The following UMODL1 variants were observed in gnomAD, a reference collection of about 807,000 sequenced individuals.
The protein encoded by UMODL1 is uromodulin-like 1.
In UMODL1, 128 loss-of-function variants were observed where a neutral mutation model predicts 136.3. That is an observed-to-expected ratio of 0.94 (90% CI 0.81 to 1.09). UMODL1 has a LOEUF of 1.09. UMODL1 is among the 50% of genes least tolerant of loss of function. The pLI is 0.00. For synonymous variants in UMODL1, 721 were observed against 720.0 expected (o/e 1.00, Z -0.02); for missense variants, 1,766 against 1,725.6 (o/e 1.02, Z -0.41).
chr21:42,066,981 T>C (rs551705946), upstream of UMODL1, among the ~76,000 whole-genome samples: 26 of 150,700 alleles, frequency 1.7e-4, no homozygotes, highest in East Asian at 1.7e-3. Context: ...TTCTTTCTTT[T>C]TTTTTTTTTT....
chr21:42,066,098 G>A (rs924683589), intron 1 of UMODL1, among the ~76,000 whole-genome samples: 13 of 152,176 alleles, frequency 8.5e-5, no homozygotes, highest in African/African-American at 2.7e-4. Context: ...TGATGCTCAC[G>A]ATCTCAGAGT....
intron 21 of UMODL1, among the ~76,000 whole-genome samples, chr21:42,136,153 G>T (rs1025664445): frequency 6.6e-6 from 1 of 152,146 alleles, no homozygotes; most frequent in Non-Finnish European, 1.5e-5. Context: ...GGGCCAGCCA[G>T]AGAGCCAGCA....
At chr21:42,121,595 G>A (rs903853262) in intron 16 of UMODL1, among the ~76,000 whole-genome samples, 1 of 152,118 alleles carries the variant, frequency 6.6e-6, no homozygotes, top group African/African-American at 2.4e-5. Context: ...ACAGGGGAAT[G>A]TTTCCTCTTG....
chr21:42,085,195 C>T lies in UMODL1; in HGVS notation c.482-96C>T. 1 of 1,495,404 alleles carries T rather than the reference C, an allele frequency of 6.7e-7. No homozygotes were observed. Among genetic ancestry groups the T allele is most frequent in the Non-Finnish European group, 9.1e-7 (1 of 1,104,962 alleles). The allele number at this position is 1,495,404 out of a possible 1,614,324, so 92.6% of individuals were successfully genotyped here. On this transcript the variant is annotated intron_variant, in intron 3 of 22. Transcript: ENST00000408910. This position sits in a 1 kb window ranked among gnomAD's most constrained non-coding sequence, Gnocchi z 4.5. ...AATGCAGAGCAGGGCCTCTCATGGC[C>T]TCTGGTTCCCTCTCCTGCCCCCTCT... is the stretch of plus-strand genomic sequence containing the variant.
rs1198521087 is a variant in UMODL1, at chr21:42,122,863, A to G, written c.2860A>G (p.Ser954Gly). Residue 954 changes from serine to glycine, a missense_variant, in exon 17 of 23, where the codon AGC becomes GGC. By Grantham distance (56) the Ser-to-Gly change is moderately conservative. Coordinates refer to ENST00000408910, the MANE Select transcript of UMODL1 (RefSeq NM_001004416.3). This position sits in a 1 kb window ranked among gnomAD's most constrained non-coding sequence, Gnocchi z 4.3. ...TCCTGGCAATGAAACCTGGGCCACC[A>G]GCCCAGAGAGGCCTCTCACCACAGC... is the stretch of plus-strand genomic sequence containing the variant. ...DSPGNETWAT[S>G]PERPLTTAGT... The G allele has an allele frequency of 2.5e-6, 4 of 1,603,270 alleles. No individual in the cohort carries two copies. Among genetic ancestry groups the G allele is most frequent in the Non-Finnish European group, 3.4e-6 (4 of 1,172,206 alleles).
At chr21:42,134,972 G>T (rs1016599213) in intron 21 of UMODL1, among the ~76,000 whole-genome samples, 5 of 152,114 alleles carry the variant, frequency 3.3e-5, no homozygotes, top group African/African-American at 4.8e-5. Flanking sequence ...GAACGTGCAG[G>T]TTGTTACATA....
chr21:42,088,520 G>C (rs1569147533), intron 5 of UMODL1, 40 bp downstream of exon 5: 3 of 1,551,872 alleles, frequency 1.9e-6, no homozygotes, highest in East Asian at 4.6e-5. Flanking sequence ...GAGGCTGCAG[G>C]GTGGTGCCTG....
In UMODL1 at chr21:42,075,318, CA is replaced by C. The variant is rs557461946; in HGVS notation, c.77-684del. ...GAGTGATCCACCTGCCTCGGCCTCCCAAAGTGCTGGGATTACAGGTGTGAGC... is the reference window on the plus strand; with the variant it reads ...GAGTGATCCACCTGCCTCGGCCTCCCAAGTGCTGGGATTACAGGTGTGAGC... On this transcript the variant is annotated intron_variant, in intron 1 of 22. Coordinates refer to ENST00000408910, the MANE Select transcript of UMODL1 (RefSeq NM_001004416.3). 6.4e-4 allele frequency among the ~76,000 whole-genome samples: 98 copies of C among 152,294 alleles called. 1 individual carries two copies. Among genetic ancestry groups the C allele is most frequent in the South Asian group, 4.8e-3 (23 of 4,826 alleles).
intron 2 of UMODL1, among the ~76,000 whole-genome samples, chr21:42,079,607 G>T (rs116585114): frequency 2.0e-5 from 3 of 152,222 alleles, no homozygotes; most frequent in Admixed American, 2.0e-4. Flanking sequence ...AAGGAGGAAG[G>T]AAGAGAAGAG....
intron 7 of UMODL1, chr21:42,101,833 G>GCT (rs2066638090): frequency 2.3e-6 from 1 of 433,666 alleles, no homozygotes; most frequent in Non-Finnish European, 4.6e-6. Context: ...TACCTCCTGG[G>GCT]CCCTGTGGTT....
intron 2 of UMODL1, 64 bp downstream of exon 2, chr21:42,076,311 G>A: frequency 6.3e-7 from 1 of 1,598,480 alleles, no homozygotes; most frequent in African/African-American, 1.3e-5. Flanking sequence ...TGATGGGACA[G>A]TCACCGTTGG....
intron 2 of UMODL1, among the ~76,000 whole-genome samples, chr21:42,079,008 C>CA (rs1294278587): frequency 6.6e-6 from 1 of 152,224 alleles, no homozygotes; most frequent in African/African-American, 2.4e-5. Flanking sequence ...GTGCTGGTGC[C>CA]ACGGCAACTC....
chr21:42,092,637 C>T (rs921063159), intron 6 of UMODL1, among the ~76,000 whole-genome samples: 1 of 152,208 alleles, frequency 6.6e-6, no homozygotes, highest in Non-Finnish European at 1.5e-5. Context: ...TACAGGGAAT[C>T]TCTTTATATC....
chr21:42,111,408 T>C (rs771781107), intron 11 of UMODL1, 98 bp from the exon 12 acceptor site: 2 of 1,613,180 alleles, frequency 1.2e-6, no homozygotes, highest in Non-Finnish European at 1.7e-6. Context: ...AGGAACACTA[T>C]CGGGGTGATA....
intron 6 of UMODL1, among the ~76,000 whole-genome samples, chr21:42,093,197 T>C (rs1048471464): frequency 4.7e-5 from 7 of 147,812 alleles, no homozygotes; most frequent in African/African-American, 1.7e-4. Flanking sequence ...GGTTTATTTA[T>C]TTATTTAATT....
chr21:42,116,859 T>G (rs1307989410), intron 14 of UMODL1, among the ~76,000 whole-genome samples: 1 of 152,194 alleles, frequency 6.6e-6, no homozygotes, highest in Non-Finnish European at 1.5e-5. Context: ...GTGGATCGCC[T>G]GAGGTCAGGA....
At chr21:42,128,105 C>A in intron 20 of UMODL1, 1 of 561,440 alleles carries the variant, frequency 1.8e-6, no homozygotes, top group Non-Finnish European at 3.4e-6. Context: ...AACCGGCTGT[C>A]GCGTCAGCAC....
At chr21:42,133,474 C>A (rs1601282855) in intron 21 of UMODL1, among the ~76,000 whole-genome samples, 1 of 152,328 alleles carries the variant, frequency 6.6e-6, no homozygotes, top group African/African-American at 2.4e-5. Flanking sequence ...TTTGAGGCTT[C>A]CCTCCACCCC....
At chr21:42,091,051 T>C (rs2066485989) in intron 6 of UMODL1, among the ~76,000 whole-genome samples, 1 of 152,198 alleles carries the variant, frequency 6.6e-6, no homozygotes, top group Non-Finnish European at 1.5e-5. Flanking sequence ...CAAGAGGGAA[T>C]GGCTGGCTAA....
Sources: allele counts gnomAD v4.1 joint callset (sites outside exome capture counted in the v4.1 genomes callset), GRCh38; gene constraint gnomAD v4.1.1; non-coding constraint Gnocchi (gnomAD v3.1); transcripts MANE v1.5; gene names NCBI Gene and HGNC (gene_info 2026-07-23, HGNC 2026-07-21).